TBC1D15: variants seen among roughly 807,000 people sequenced by gnomAD.
The protein encoded by TBC1D15 is GAP for RAB7.
TBC1D15 carries 39 observed loss-of-function variants against 95.4 expected under a neutral mutation model. The ratio of observed to expected loss-of-function variants is 0.41; its 90% CI spans 0.32 to 0.53. The LOEUF (loss-of-function observed/expected upper bound fraction) is 0.53, where lower values mean the gene tolerates loss of function less well. TBC1D15 is among the 20% of genes least tolerant of loss of function. TBC1D15 has a pLI of 0.29. For missense variants in TBC1D15, 733 were observed against 794.3 expected (o/e 0.92, Z 0.93); for synonymous variants, 258 against 261.3 (o/e 0.99, Z 0.12).
intron 1 of TBC1D15, among the ~76,000 whole-genome samples, chr12:71,840,795 T>C (rs774702915): frequency 2.6e-5 from 4 of 152,206 alleles, no homozygotes; most frequent in Non-Finnish European, 4.4e-5. Context: ...GTTTGGTGTT[T>C]GGAGTATTAG....
At chr12:71,881,964 G>A (rs567676772) in intron 4 of TBC1D15, among the ~76,000 whole-genome samples, 13 of 148,332 alleles carry the variant, frequency 8.8e-5, no homozygotes, top group East Asian at 2.0e-4. Flanking sequence ...TTCTAAGCCC[G>A]TGGGTTCATT....
At chr12:71,896,638 C>G (rs141415430) in intron 8 of TBC1D15, 39 bp from the exon 9 acceptor site, 2 of 1,533,178 alleles carry the variant, frequency 1.3e-6, no homozygotes, top group Non-Finnish European at 1.8e-6. Flanking sequence ...GTATTACATT[C>G]TTTTTCATTC....
At chr12:71,897,752 T>C in intron 9 of TBC1D15, 95 bp from the exon 10 acceptor site, 1 of 819,358 alleles carries the variant, frequency 1.2e-6, no homozygotes, top group Non-Finnish European at 2.0e-6. Context: ...GCATCATAAA[T>C]GCTTTGATAT....
intron 3 of TBC1D15, among the ~76,000 whole-genome samples, chr12:71,875,323 G>A (rs1893565450): frequency 6.6e-6 from 1 of 152,116 alleles, no homozygotes; most frequent in Non-Finnish European, 1.5e-5. Context: ...CCCGTATGGT[G>A]GACTGTTTTT....
intron 14 of TBC1D15, among the ~76,000 whole-genome samples, chr12:71,920,301 A>G (rs747497194): frequency 6.6e-6 from 1 of 152,184 alleles, no homozygotes; most frequent in African/African-American, 2.4e-5. Context: ...TTCTGATTCC[A>G]TGTACTGTGT....
chr12:71,854,568 A>G (rs983809786), intron 1 of TBC1D15: 2 of 446,304 alleles, frequency 4.5e-6, no homozygotes, highest in African/African-American at 4.0e-5. Context: ...GACAGGCGAC[A>G]TTATCAGCAA....
intron 1 of TBC1D15, among the ~76,000 whole-genome samples, chr12:71,855,260 C>T (rs956749278): frequency 6.6e-6 from 1 of 152,136 alleles, no homozygotes; most frequent in African/African-American, 2.4e-5. Flanking sequence ...GTTCCTCCCT[C>T]AACGTGGGGT....
chr12:71,918,415 GAGTA>G (rs2139081360), intron 13 of TBC1D15, 32 bp from the exon 14 acceptor site: 4 of 1,314,410 alleles, frequency 3.0e-6, no homozygotes, highest in East Asian at 4.7e-5. Context: ...ATTAGCATAA[GAGTA>G]AGTCATATGT....
rs377007173 is a variant in TBC1D15 at position 71,894,794 on chromosome 12, C to T, written c.766C>T (p.Pro256Ser). 2 of 1,613,222 alleles carry T rather than the reference C, an allele frequency of 1.2e-6. No homozygotes were observed. The highest frequency in any genetic ancestry group is 1.3e-5 in the African/African-American group (1 of 74,894). The change falls in exon 7 of 17, where the codon CCT (proline) becomes TCT (serine). Residue 256 changes from proline (P) to serine (S), a missense_variant. Coordinates refer to ENST00000485960, the MANE Select transcript of TBC1D15 (RefSeq NM_001146213.3). ...GSDPSTHQRP[P>S]SEMADFLSDA... ...CGATCCCTCTACACATCAACGACCA[C>T]CTTCAGAAATGGCAGATTTTCTTAG...
intron 1 of TBC1D15, among the ~76,000 whole-genome samples, chr12:71,840,331 T>A: frequency 6.6e-6 from 1 of 152,232 alleles, no homozygotes; most frequent in Non-Finnish European, 1.5e-5. Flanking sequence ...TTTACCAAGC[T>A]GCTGAGTTGG....
intron 3 of TBC1D15, 141 bp from the exon 4 acceptor site, chr12:71,880,327 GA>G: frequency 1.9e-6 from 1 of 522,508 alleles, no homozygotes; most frequent in Non-Finnish European, 3.1e-6. Flanking sequence ...GATCAAGAGA[GA>G]AAAGTATAGG....
chr12:71,915,355 A>G (rs938121225), intron 12 of TBC1D15, among the ~76,000 whole-genome samples: 8 of 151,668 alleles, frequency 5.3e-5, no homozygotes, highest in African/African-American at 1.7e-4. Flanking sequence ...GAATTTTCCT[A>G]ATGCCTGACA....
intron 10 of TBC1D15, among the ~76,000 whole-genome samples, chr12:71,902,661 G>A (rs576353867): frequency 6.6e-6 from 1 of 151,996 alleles, no homozygotes; most frequent in South Asian, 2.1e-4. Context: ...TGAGGATATC[G>A]ACCCAGGCAA....
At chr12:71,856,941 G>T (rs1022281459) in intron 1 of TBC1D15, among the ~76,000 whole-genome samples, 1 of 152,116 alleles carries the variant, frequency 6.6e-6, no homozygotes, top group African/African-American at 2.4e-5. Flanking sequence ...AGTTTTTTCA[G>T]TTACAAGATG....
chr12:71,917,254 A>G (rs1313410754), intron 12 of TBC1D15, among the ~76,000 whole-genome samples: 1 of 152,228 alleles, frequency 6.6e-6, no homozygotes, highest in Non-Finnish European at 1.5e-5. Context: ...TTGGCTTTAC[A>G]GATTCTCCAA....
chr12:71,842,830 C>CAAAAAAAAA (rs58842371), intron 1 of TBC1D15, among the ~76,000 whole-genome samples: 1 of 84,842 alleles, frequency 1.2e-5, no homozygotes, highest in Non-Finnish European at 2.7e-5. Context: ...GACCCTGTCT[C>CAAAAAAAAA]AAAAAAAAAA....
chr12:71,891,638 G>A lies in TBC1D15; in HGVS notation c.555-1584G>A, dbSNP rs565537847. ...TGTTGATTTCCTTTGGAGCAGTCAGGTCTTTAATTTCTTCATATCTTCCCT... is the reference window on the plus strand; with the variant it reads ...TGTTGATTTCCTTTGGAGCAGTCAGATCTTTAATTTCTTCATATCTTCCCT... On this transcript the variant is annotated intron_variant, in intron 5 of 16. Transcript: ENST00000485960. Among the ~76,000 whole-genome samples, 410 of 152,164 alleles carry A rather than the reference G, an allele frequency of 2.7e-3. 6 individuals are homozygous for A. The highest frequency in any genetic ancestry group is 3.4e-3 in the Middle Eastern group (1 of 294).
rs769946619 is a variant in TBC1D15, at chr12:71,920,742, C to T, written c.1611C>T (p.Thr537=). ...DILRLWEVMW[T]ELPCTNFHLL... ...TCTGCCTTCTATAGGTAATGTGGACCGAACTACCATGTACAAATTTCCATC... is the reference window on the plus strand; with the variant it reads ...TCTGCCTTCTATAGGTAATGTGGACTGAACTACCATGTACAAATTTCCATC... The change falls in exon 15 of 17, where the codon ACC becomes ACT. Residue 537 remains threonine, a synonymous_variant. Coordinates refer to ENST00000485960, the MANE Select transcript of TBC1D15 (RefSeq NM_001146213.3). The T allele has an allele frequency of 9.3e-6, 15 of 1,610,882 alleles. No individual in the cohort carries two copies. The highest frequency in any genetic ancestry group is 1.7e-5 in the Admixed American group (1 of 59,598).
intron 5 of TBC1D15, among the ~76,000 whole-genome samples, chr12:71,891,884 A>G (rs185616007): frequency 2.0e-5 from 3 of 152,244 alleles, no homozygotes; most frequent in African/African-American, 7.2e-5. Flanking sequence ...TTATATGTAT[A>G]GGCAGTGGTT....
Sources: allele counts gnomAD v4.1 joint callset (sites outside exome capture counted in the v4.1 genomes callset), GRCh38; gene constraint gnomAD v4.1.1; transcripts MANE v1.5; gene names NCBI Gene and HGNC (gene_info 2026-07-23, HGNC 2026-07-21).